The following PCDHA6 variants were observed in gnomAD, a reference collection of about 807,000 sequenced individuals.
PCDHA6 encodes protocadherin alpha-6.
A neutral mutation model predicts 60.3 loss-of-function variants in PCDHA6; 55 were observed. The ratio of observed to expected loss-of-function variants is 0.91; its 90% CI spans 0.73 to 1.14. The LOEUF is 1.14. PCDHA6 is among the 50% of genes most tolerant of loss of function. The probability of loss-of-function intolerance (pLI) is 0.00; values close to 1 mark genes in which losing one functional copy is unlikely to be tolerated. For missense variants in PCDHA6, 1,327 were observed against 1,256.5 expected (o/e 1.06, Z -0.85); for synonymous variants, 652 against 557.9 (o/e 1.17, Z -2.38).
intron 1 of PCDHA6, among the ~76,000 whole-genome samples, chr5:140,974,807 A>T (rs2096641510): frequency 6.6e-6 from 1 of 152,202 alleles, no homozygotes; most frequent in Admixed American, 6.5e-5. Context: ...ATATACTAGA[A>T]GACCAATATG....
chr5:140,868,930 G>T, intron 1 of PCDHA6: 8 of 1,085,624 alleles, frequency 7.4e-6, no homozygotes, highest in Non-Finnish European at 1.0e-5. Context: ...TTCATTTAAA[G>T]GTTGGTCTGA....
intron 1 of PCDHA6, among the ~76,000 whole-genome samples, chr5:140,921,910 A>G (rs1474219286): frequency 6.6e-6 from 1 of 152,086 alleles, no homozygotes; most frequent in Non-Finnish European, 1.5e-5. Context: ...TATATATTAC[A>G]TGATAAAACT....
At chr5:140,940,731 G>T (rs1195223562) in intron 1 of PCDHA6, among the ~76,000 whole-genome samples, 2 of 152,162 alleles carry the variant, frequency 1.3e-5, no homozygotes, top group Admixed American at 1.3e-4. Flanking sequence ...CAGCTGGACA[G>T]CTCCATATTT....
At chr5:140,872,910 T>C (rs2053978401) in intron 1 of PCDHA6, among the ~76,000 whole-genome samples, 2 of 152,232 alleles carry the variant, frequency 1.3e-5, no homozygotes, top group African/African-American at 4.8e-5. Context: ...CTCTATCTTG[T>C]AATGCCTTAT....
chr5:140,938,484 A>G (rs914020751), intron 1 of PCDHA6, among the ~76,000 whole-genome samples: 14 of 152,182 alleles, frequency 9.2e-5, no homozygotes, highest in African/African-American at 2.9e-4. Flanking sequence ...TTTAAAAATC[A>G]TGAATAGGCA....
intron 1 of PCDHA6, chr5:140,969,615 G>A (rs1417453925): frequency 3.6e-5 from 26 of 714,726 alleles, no homozygotes; most frequent in Non-Finnish European, 5.5e-5. Flanking sequence ...ACACAGATTT[G>A]TAGAGAAACA....
At chr5:140,993,577 T>A (rs1215999612) in intron 3 of PCDHA6, among the ~76,000 whole-genome samples, 1 of 151,978 alleles carries the variant, frequency 6.6e-6, no homozygotes, top group African/African-American at 2.4e-5. Flanking sequence ...CTAGGGATGC[T>A]TTTCTTGGCT....
intron 1 of PCDHA6, among the ~76,000 whole-genome samples, chr5:140,885,076 A>G (rs1032982957): frequency 1.3e-5 from 2 of 152,226 alleles, no homozygotes; most frequent in African/African-American, 4.8e-5. Context: ...ATTATTTTAA[A>G]GAGCCCCATA....
chr5:140,885,229 C>A (rs1410460890), intron 1 of PCDHA6, among the ~76,000 whole-genome samples: 2 of 151,932 alleles, frequency 1.3e-5, no homozygotes, highest in African/African-American at 4.8e-5. Context: ...TGTGATTCTG[C>A]TTTCAATTTT....
At chr5:140,858,790 AT>A in intron 1 of PCDHA6, 1 of 388,116 alleles carries the variant, frequency 2.6e-6, no homozygotes. Context: ...ATGTTATTTC[AT>A]TTCCAATCTA....
chr5:140,877,118 T>C, intron 1 of PCDHA6: 1 of 1,613,690 alleles, frequency 6.2e-7, no homozygotes, highest in South Asian at 1.1e-5. Flanking sequence ...GGCAGCAACG[T>C]GACGCTGCAG....
At position 140,884,423 on chromosome 5, in the gene PCDHA6, A is replaced by G. The variant is rs2060160830; in HGVS notation, c.2394+53938A>G. The G allele has an allele frequency of 1.2e-6, 2 of 1,613,932 alleles. No individual in the cohort carries two copies. Among genetic ancestry groups the G allele is most frequent in the African/African-American group, 1.3e-5 (1 of 75,050 alleles). On this transcript the variant is annotated intron_variant, in intron 1 of 3. Coordinates refer to ENST00000529310, the MANE Select transcript of PCDHA6 (RefSeq NM_018909.4). ...GTTGGTGCTCACGTTGCTGCTGTAT[A>G]CTGCGCTGCGGTGCTCGGCACCGCC...
At chr5:140,994,226 G>A (rs2097606248) in intron 3 of PCDHA6, among the ~76,000 whole-genome samples, 1 of 152,162 alleles carries the variant, frequency 6.6e-6, no homozygotes. Flanking sequence ...GTCTGTCTAT[G>A]TTATAATCAA....
At chr5:140,928,307 C>T in intron 1 of PCDHA6, 1 of 1,614,150 alleles carries the variant, frequency 6.2e-7, no homozygotes, top group Non-Finnish European at 8.5e-7. Context: ...GCCCAGGACC[C>T]CGACCTGGGG....
chr5:140,869,722 G>A, intron 1 of PCDHA6: 2 of 1,613,324 alleles, frequency 1.2e-6, no homozygotes, highest in Non-Finnish European at 1.7e-6. Flanking sequence ...GAAAACTCCG[G>A]AACTTAATTT....
chr5:140,964,894 T>C (rs754817292), intron 1 of PCDHA6, among the ~76,000 whole-genome samples: 8 of 152,210 alleles, frequency 5.3e-5, no homozygotes, highest in Non-Finnish European at 1.2e-4. Flanking sequence ...GATAGGAGGC[T>C]GGGCGCTTCT....
chr5:140,969,371 T>C (rs2096324872), intron 1 of PCDHA6: 1 of 1,607,688 alleles, frequency 6.2e-7, no homozygotes, highest in Non-Finnish European at 8.5e-7. Context: ...AACTCATGCA[T>C]TTGTTACACA....
chr5:140,844,883 C>T (rs932765025), intron 1 of PCDHA6, among the ~76,000 whole-genome samples: 1 of 149,278 alleles, frequency 6.7e-6, no homozygotes, highest in African/African-American at 2.5e-5. Flanking sequence ...CATTAGACTT[C>T]GTGCATATTG....
rs782733393 is a variant in PCDHA6 at position 140,875,889 on chromosome 5, G to T, written c.2394+45404G>T. The T allele has an allele frequency of 4.8e-5, 78 of 1,614,056 alleles. No homozygotes were observed. The highest frequency in any genetic ancestry group is 5.8e-5 in the Non-Finnish European group (69 of 1,180,042). On this transcript the variant is annotated intron_variant, in intron 1 of 3. Coordinates refer to ENST00000529310, the MANE Select transcript of PCDHA6 (RefSeq NM_018909.4). ...CGGTGTTCAGAGAAAGGGAACAAAA[G>T]GTACCTGTTTCTGAATCTGCGCCTC...
Sources: allele counts gnomAD v4.1 joint callset (sites outside exome capture counted in the v4.1 genomes callset), GRCh38; gene constraint gnomAD v4.1.1; transcripts MANE v1.5; gene names NCBI Gene and HGNC (gene_info 2026-07-23, HGNC 2026-07-21).